KLF5: variants seen among roughly 807,000 people sequenced by gnomAD.
KLF5 encodes KLF transcription factor 5.
A neutral mutation model predicts 36.9 loss-of-function variants in KLF5; 9 were observed. That is an observed-to-expected ratio of 0.24 (90% CI 0.15 to 0.43). KLF5 has a LOEUF of 0.43. Among genes scored for constraint, KLF5 ranks in the 20% least tolerant of loss-of-function variants. The pLI is 1.00. For synonymous variants in KLF5, 246 were observed against 241.7 expected (o/e 1.02, Z -0.17); for missense variants, 524 against 599.5 (o/e 0.87, Z 1.31).
At chr13:73,058,531 C>T (rs769043134), upstream of KLF5, among the ~76,000 whole-genome samples, 4 of 152,370 alleles carry the variant, frequency 2.6e-5, no homozygotes, top group Non-Finnish European at 4.4e-5. Context: ...AGTACACACT[C>T]ATTAGACAAA....
Position 73,062,099 on chromosome 13 carries a change from C to T in KLF5, c.500C>T (p.Ala167Val). 6.2e-7 allele frequency: 1 copy of T among 1,614,132 alleles called. No individual in the cohort carries two copies. Among genetic ancestry groups the T allele is most frequent in the Non-Finnish European group, 8.5e-7 (1 of 1,180,038 alleles). The change falls in exon 2 of 4, where the codon GCC (alanine) becomes GTC (valine). Residue 167 changes from alanine to valine, a missense_variant. This residue lies in a region of KLF5 where 454 missense variants were observed against 458.1 expected (regional missense o/e 0.99). Coordinates refer to ENST00000377687, the MANE Select transcript of KLF5 (RefSeq NM_001730.5). ...ACACACATCAAGACAGAACCTGTTG[C>T]CATTTTCAGCCACCAGAGTGAAACG... ...CVTHIKTEPV[A>V]IFSHQSETTA...
At chr13:73,074,519 C>T (rs1047169220) in intron 3 of KLF5, among the ~76,000 whole-genome samples, 12 of 152,078 alleles carry the variant, frequency 7.9e-5, no homozygotes, top group African/African-American at 2.7e-4. Flanking sequence ...ATTATAAAAT[C>T]ATAAATGTAG....
chr13:73,073,258 C>A (rs895518197), intron 3 of KLF5, among the ~76,000 whole-genome samples: 1 of 152,342 alleles, frequency 6.6e-6, no homozygotes, highest in Middle Eastern at 3.4e-3. Flanking sequence ...GGTGTTGACA[C>A]TTGAACAAAT....
At position 73,059,290 on chromosome 13, in the gene KLF5, C is replaced by T; in HGVS notation, c.-38C>T. The T allele has an allele frequency of 1.5e-6, 2 of 1,330,324 alleles. No individual in the cohort carries two copies. Among genetic ancestry groups the T allele is most frequent in the Admixed American group, 3.9e-5 (1 of 25,902 alleles). 82.4% of individuals were successfully genotyped at this position (1,330,324 alleles called of 1,614,324 possible). A position where few individuals can be genotyped will look rare whatever the true frequency, so the allele number is the denominator to read the frequency against. ...GCCAGCGTGGGCGAGGTGGGAAGTG[C>T]GCCCGACCCGCGCCTGGAGCTGCGC... On this transcript the variant is annotated 5_prime_UTR_variant, in exon 1 of 4. Coordinates refer to ENST00000377687, the MANE Select transcript of KLF5 (RefSeq NM_001730.5).
intron 3 of KLF5, among the ~76,000 whole-genome samples, chr13:73,067,012 T>C (rs1320691989): frequency 6.6e-6 from 1 of 152,214 alleles, no homozygotes; most frequent in African/African-American, 2.4e-5. Flanking sequence ...GTATTATTTG[T>C]AGTATGTGTG....
upstream of KLF5, among the ~76,000 whole-genome samples, chr13:73,058,045 C>A (rs893822043): frequency 3.0e-4 from 46 of 152,158 alleles, no homozygotes; most frequent in African/African-American, 1.1e-3. Context: ...GGAAAAGGTG[C>A]CACAATGTGA....
At chr13:73,064,479 T>A (rs1190589442) in intron 3 of KLF5, among the ~76,000 whole-genome samples, 1 of 152,162 alleles carries the variant, frequency 6.6e-6, no homozygotes, top group Non-Finnish European at 1.5e-5. Context: ...CTAGCTTACA[T>A]TCATTCTTGT....
intron 1 of KLF5, 95 bp downstream of exon 1, chr13:73,059,683 G>T: frequency 9.8e-7 from 1 of 1,024,818 alleles, no homozygotes; most frequent in Non-Finnish European, 1.2e-6. Context: ...CTCCAGGCTG[G>T]GGCGTGCGTC....
intron 3 of KLF5, 122 bp from the exon 4 acceptor site, chr13:73,075,586 C>T (rs1292024418): frequency 3.8e-6 from 3 of 786,786 alleles, no homozygotes; most frequent in Non-Finnish European, 6.1e-6. Flanking sequence ...TAATGGAATT[C>T]ATGAGCTTTC....
At chr13:73,062,824 C>CGTGTGCGT in intron 2 of KLF5, 90 bp downstream of exon 2, 3 of 1,172,604 alleles carry the variant, frequency 2.6e-6, no homozygotes, top group Non-Finnish European at 2.4e-6. Context: ...TGTGCACGCG[C>CGTGTGCGT]GTGCCCTTTT....
At chr13:73,072,224 G>A (rs2044727059) in intron 3 of KLF5, among the ~76,000 whole-genome samples, 3 of 151,484 alleles carry the variant, frequency 2.0e-5, no homozygotes, top group Admixed American at 2.0e-4. Flanking sequence ...TCATTCAGAG[G>A]GGGGAAAAAA....
upstream of KLF5, chr13:73,058,733 C>G (rs2044602028): frequency 6.6e-6 from 1 of 152,502 alleles, no homozygotes; most frequent in Non-Finnish European, 1.5e-5. Context: ...CGCTCCGCTA[C>G]TTCCCTCCGC....
chr13:73,073,368 C>T, intron 3 of KLF5, among the ~76,000 whole-genome samples: 1 of 152,164 alleles, frequency 6.6e-6, no homozygotes, highest in East Asian at 1.9e-4. Context: ...GTATTCTTGG[C>T]TGAATACTCT....
At chr13:73,069,569 A>T (rs1351705828) in intron 3 of KLF5, among the ~76,000 whole-genome samples, 3 of 151,272 alleles carry the variant, frequency 2.0e-5, no homozygotes, top group East Asian at 1.9e-4. Context: ...ATTTTTTTTT[A>T]AAGTAGTAGC....
intron 3 of KLF5, among the ~76,000 whole-genome samples, chr13:73,069,068 C>G (rs1159933628): frequency 6.6e-6 from 1 of 152,006 alleles, no homozygotes; most frequent in African/African-American, 2.4e-5. Context: ...CACACTCCAG[C>G]CCGGACAACA....
Position 73,059,174 on chromosome 13 carries a change from C to A in KLF5, c.-154C>A. The A allele has an allele frequency of 3.2e-6, 2 of 623,362 alleles. No homozygotes were observed. The highest frequency in any genetic ancestry group is 1.9e-5 in the African/African-American group (1 of 52,348). 38.6% of individuals were successfully genotyped at this position (623,362 alleles called of 1,614,324 possible). A position where few individuals can be genotyped will look rare whatever the true frequency, so the allele number is the denominator to read the frequency against. On this transcript the variant is annotated 5_prime_UTR_variant, in exon 1 of 4. Transcript: ENST00000377687. ...GCGGAAGAGTTTTGCTTTTCGTGCG[C>A]GCCTTCGAAAACTGCCTGCCGCTGT... is the stretch of plus-strand genomic sequence containing the variant.
chr13:73,060,101 G>T (rs1328171869), intron 1 of KLF5, among the ~76,000 whole-genome samples: 3 of 146,154 alleles, frequency 2.1e-5, no homozygotes, highest in Admixed American at 7.0e-5. Context: ...TGCGGGCCGC[G>T]TTTGGAAAAT....
At chr13:73,068,442 C>T (rs2044697262) in intron 3 of KLF5, among the ~76,000 whole-genome samples, 1 of 152,170 alleles carries the variant, frequency 6.6e-6, no homozygotes. Context: ...CAGTGGCCCA[C>T]ACCTGTAATT....
At chr13:73,063,906 CTG>C (rs2044659143) in intron 3 of KLF5, 23 bp downstream of exon 3, 6 of 1,486,448 alleles carry the variant, frequency 4.0e-6, no homozygotes, top group Non-Finnish European at 4.7e-6. Flanking sequence ...CTTGTTAATT[CTG>C]TGAGTTGTGT....
Sources: allele counts gnomAD v4.1 joint callset (sites outside exome capture counted in the v4.1 genomes callset), GRCh38; gene constraint gnomAD v4.1.1; regional missense constraint gnomAD v4.1.1; transcripts MANE v1.5; gene names NCBI Gene and HGNC (gene_info 2026-07-23, HGNC 2026-07-21).